The following GPC3 variants were observed in gnomAD, a reference collection of about 807,000 sequenced individuals.
GPC3 encodes glypican 3, also known as glypican-3.
GPC3 carries 3 observed loss-of-function variants against 34.4 expected under a neutral mutation model. The observed-to-expected ratio is 0.09, with a 90% confidence interval of 0.04 to 0.23. The LOEUF is 0.23. GPC3 is among the 10% of genes least tolerant of loss of function. The pLI is 1.00. For missense variants in GPC3, 351 were observed against 445.6 expected, an observed-to-expected ratio of 0.79 and a Z score of 1.91; for synonymous variants, 177 against 174.0, an observed-to-expected ratio of 1.02 and a Z score of -0.13.
At chrX:133,635,753 C>A (rs2070415046) in intron 6 of GPC3, among the ~76,000 whole-genome samples, 1 of 109,292 alleles carries the variant, frequency 9.1e-6, no homozygotes, top group Non-Finnish European at 1.9e-5. Context: ...CCTCACAAAT[C>A]CTTAGTTTCC....
intron 2 of GPC3, among the ~76,000 whole-genome samples, chrX:133,809,770 G>T (rs2075655439): frequency 8.9e-6 from 1 of 111,764 alleles, no homozygotes; most frequent in Non-Finnish European, 1.9e-5. Flanking sequence ...TTTCCATTAG[G>T]ATCTGACAGT....
chrX:133,713,960 C>T (rs2071292867), intron 3 of GPC3, among the ~76,000 whole-genome samples: 1 of 111,600 alleles, frequency 9.0e-6, no homozygotes, highest in South Asian at 3.7e-4. Context: ...TTCAAATGAC[C>T]AAGGCATCAT....
chrX:133,703,671 A>G (rs192183968), intron 3 of GPC3, among the ~76,000 whole-genome samples: 7 of 111,677 alleles, frequency 6.3e-5, no homozygotes, highest in Admixed American at 5.7e-4. Flanking sequence ...CGTGTTAGCT[A>G]GGATGGTCTT....
intron 2 of GPC3, among the ~76,000 whole-genome samples, chrX:133,795,809 A>T (rs2075575856): frequency 9.0e-6 from 1 of 111,029 alleles, no homozygotes; most frequent in Non-Finnish European, 1.9e-5. Flanking sequence ...AACAATCATC[A>T]TCAATATAGT....
intron 6 of GPC3, among the ~76,000 whole-genome samples, chrX:133,660,825 T>C (rs1048904976): frequency 1.8e-5 from 2 of 112,041 alleles, no homozygotes; most frequent in Non-Finnish European, 3.8e-5. Context: ...TGATTAATTA[T>C]GATGAATACT....
chrX:133,563,706 A>G (rs948155215), intron 7 of GPC3, among the ~76,000 whole-genome samples: 1 of 111,792 alleles, frequency 8.9e-6, no homozygotes, highest in Non-Finnish European at 1.9e-5. Flanking sequence ...CAAAATTCCA[A>G]TACTTGCTTT....
At chrX:133,749,790 C>CT (rs2071645487) in intron 3 of GPC3, among the ~76,000 whole-genome samples, 1 of 111,355 alleles carries the variant, frequency 9.0e-6, no homozygotes, top group Non-Finnish European at 1.9e-5. Context: ...GGTTAGGGTG[C>CT]TACTGGAGAA....
At chrX:133,926,321 G>A (rs1245143474) in intron 2 of GPC3, among the ~76,000 whole-genome samples, 1 of 111,874 alleles carries the variant, frequency 8.9e-6, no homozygotes, top group Non-Finnish European at 1.9e-5. Flanking sequence ...TGGATGGCTT[G>A]GGAGTTTAAA....
At chrX:133,611,001 G>A (rs996750646) in intron 6 of GPC3, among the ~76,000 whole-genome samples, 5 of 109,008 alleles carry the variant, frequency 4.6e-5, no homozygotes, top group African/African-American at 1.7e-4. Flanking sequence ...AACCACACCA[G>A]TGCTATAAAT....
chrX:133,596,353 G>A (rs2124330638), intron 7 of GPC3, 87 bp downstream of exon 7: 2 of 787,874 alleles, frequency 2.5e-6, no homozygotes, highest in East Asian at 3.1e-5. Flanking sequence ...GGAATGTAAG[G>A]GAATTGCAGA....
At chrX:133,542,423 C>T (rs924194402) in intron 7 of GPC3, among the ~76,000 whole-genome samples, 23 of 110,998 alleles carry the variant, frequency 2.1e-4, no homozygotes, top group Non-Finnish European at 1.9e-5. Context: ...GTCTTGAGCA[C>T]ATAATAGGAA....
intron 2 of GPC3, among the ~76,000 whole-genome samples, chrX:133,796,111 AT>A (rs759665048): frequency 2.6e-4 from 28 of 108,711 alleles, no homozygotes; most frequent in East Asian, 2.0e-3. Flanking sequence ...CGCCCGGCTA[AT>A]TTTTTTGTAT....
At chrX:133,908,498 C>T (rs138860447) in intron 2 of GPC3, among the ~76,000 whole-genome samples, 1,261 of 111,649 alleles carry the variant, frequency 0.011, 7 homozygotes, top group Non-Finnish European at 0.016. Context: ...GGGAACCTAA[C>T]CAAGACTTGA....
chrX:133,567,074 T>C (rs948488772), intron 7 of GPC3, among the ~76,000 whole-genome samples: 5 of 112,005 alleles, frequency 4.5e-5, no homozygotes, highest in African/African-American at 1.6e-4. Context: ...TTCTCCAATG[T>C]TCCTCCCACA....
At chrX:133,760,933 A>G (rs1029507951) in intron 2 of GPC3, among the ~76,000 whole-genome samples, 12 of 111,282 alleles carry the variant, frequency 1.1e-4, no homozygotes, top group Non-Finnish European at 2.1e-4. Flanking sequence ...TTAAATCCAA[A>G]ACTGTTCTAA....
chrX:133,929,608 G>A (rs761787818), intron 2 of GPC3, among the ~76,000 whole-genome samples: 1 of 111,297 alleles, frequency 9.0e-6, no homozygotes, highest in Non-Finnish European at 1.9e-5. Context: ...GTAGTACATT[G>A]CCCTAAATGG....
rs1375581885 is a variant in GPC3, at chrX:133,911,873, C to CA, written c.337+41176dup. Among the ~76,000 whole-genome samples the CA allele has an allele frequency of 2.4e-4, 27 of 111,708 alleles. No individual in the cohort carries two copies. In the Admixed American group the frequency reaches 2.6e-3, roughly 11 times the overall value. Reference sequence around the variant, plus strand: ...CACCTGGTGATCCTGTCACAGCCTTCAAAAAATGCTCAGTTTCTCAATTCT... The same window carrying CA: ...CACCTGGTGATCCTGTCACAGCCTTCAAAAAAATGCTCAGTTTCTCAATTCT... On this transcript the variant is annotated intron_variant, in intron 2 of 7. Transcript: ENST00000370818.
intron 2 of GPC3, among the ~76,000 whole-genome samples, chrX:133,918,640 C>T (rs1016008646): frequency 4.5e-5 from 5 of 111,677 alleles, no homozygotes; most frequent in Admixed American, 2.9e-4. Context: ...TCCTTTCGTG[C>T]CAGGAGATAG....
chrX:133,673,754 C>A (rs1019718270), intron 5 of GPC3, among the ~76,000 whole-genome samples: 1 of 112,011 alleles, frequency 8.9e-6, no homozygotes, highest in African/African-American at 3.2e-5. Flanking sequence ...ATAATGCCAC[C>A]TGCACTGTTT....
Sources: gnomAD v4.1 joint callset for allele counts (sites outside exome capture counted in the v4.1 genomes callset) on GRCh38, gnomAD v4.1.1 for gene constraint, MANE v1.5 for transcripts, NCBI Gene and HGNC (gene_info 2026-07-23, HGNC 2026-07-21) for gene names.